The following PCDH11X variants were observed in gnomAD, a reference collection of about 807,000 sequenced individuals.
The protein encoded by PCDH11X is protocadherin 11 X-linked.
In PCDH11X, 18 loss-of-function variants were observed where a neutral mutation model predicts 53.3. The ratio of observed to expected loss-of-function variants is 0.34; its 90% confidence interval spans 0.23 to 0.50. The LOEUF (loss-of-function observed/expected upper bound fraction) is 0.50, where lower values mean the gene tolerates loss of function less well. PCDH11X is among the 20% of genes least tolerant of loss of function. PCDH11X has a pLI of 0.98. For synonymous variants in PCDH11X, 279 were observed against 393.3 expected (o/e 0.71, Z 3.44); for missense variants, 570 against 1,032.4 (o/e 0.55, Z 6.14).
At chrX:91,837,829 A>G (rs1344132241) in intron 5 of PCDH11X, among the ~76,000 whole-genome samples, 1 of 111,538 alleles carries the variant, frequency 9.0e-6, no homozygotes, top group Non-Finnish European at 1.9e-5. Flanking sequence ...GCCACCAGTC[A>G]CACGTAGCTG....
In PCDH11X at chrX:91,835,561, C is replaced by T; in HGVS notation, c.57C>T (p.Phe19=). 8.3e-7 allele frequency: 1 copy of T among 1,211,098 alleles called. No individual in the cohort carries two copies. Among genetic ancestry groups the T allele is most frequent in the Non-Finnish European group, 1.1e-6 (1 of 895,438 alleles). The stretch of plus-strand genomic sequence containing the variant: ...CGGTCCTGCTAGCATGCGTGGTGTT[C>T]CACTCTGGCGCCCAGGAGAAAAACT... ...IFAVLLACVV[F]HSGAQEKNYT... Residue 19 remains phenylalanine (F), a synonymous_variant, in exon 5 of 11, where the codon TTC becomes TTT. Transcript: ENST00000682573.
chrX:91,822,406 A>G lies in PCDH11X; in HGVS notation c.-45+11111A>G, dbSNP rs1254367124. Among the ~76,000 whole-genome samples, 374 of 108,803 alleles carry G rather than the reference A, an allele frequency of 3.4e-3. 3 individuals carry two copies. The highest frequency in any genetic ancestry group is 0.011 in the African/African-American group (312 of 29,653). The allele number at this position is 108,803 out of a possible 115,157, so 94.5% of individuals were successfully genotyped here. On this transcript the variant is annotated intron_variant, in intron 4 of 10. Transcript: ENST00000682573. ...CTTCTTCCTGGTTTAGTCTTGGGAG[A>G]GTGTATGTGTCAAGGAATTTATCCA...
chrX:92,273,733 C>T (rs761508269), intron 8 of PCDH11X, among the ~76,000 whole-genome samples: 2 of 110,328 alleles, frequency 1.8e-5, no homozygotes, highest in Admixed American at 9.7e-5. Flanking sequence ...ACACATTTGT[C>T]GTGTAGAATT....
intron 8 of PCDH11X, among the ~76,000 whole-genome samples, chrX:92,374,535 A>G (rs1345886906): frequency 1.8e-5 from 2 of 108,522 alleles, no homozygotes; most frequent in Non-Finnish European, 3.8e-5. Flanking sequence ...TAGAATATCA[A>G]TGAAAAGTCT....
At chrX:91,916,486 A>C (rs982034505) in intron 6 of PCDH11X, among the ~76,000 whole-genome samples, 2 of 111,746 alleles carry the variant, frequency 1.8e-5, no homozygotes, top group African/African-American at 6.5e-5. Flanking sequence ...ATGAACCAGG[A>C]GATATTACAG....
At position 92,114,134 on chromosome X, in the gene PCDH11X, G is replaced by A. The variant is rs2064583793; in HGVS notation, c.3034-87241G>A. The A allele has an allele frequency of 3.4e-6, 4 of 1,176,318 alleles. No individual in the cohort carries two copies. In the Admixed American group the frequency reaches 6.6e-5, roughly 19 times the overall value. On this transcript the variant is annotated intron_variant, in intron 6 of 10. Transcript: ENST00000682573. ...TTCTGTATCTGCTGAGCCAATTCTC[G>A]AGTGGGTGCTAGGACCAAGGCCTGG...
At chrX:92,064,103 T>A (rs6618835) in intron 6 of PCDH11X, among the ~76,000 whole-genome samples, 1 of 100,654 alleles carries the variant, frequency 9.9e-6, no homozygotes, top group African/African-American at 3.8e-5. Flanking sequence ...GAGTGGGACA[T>A]TGGTGTTCTT....
chrX:92,340,435 G>A (rs1045641375), intron 8 of PCDH11X, among the ~76,000 whole-genome samples: 26 of 112,163 alleles, frequency 2.3e-4, no homozygotes, highest in African/African-American at 8.1e-4. Context: ...CATCCCTGCA[G>A]CAAGCTTCTG....
At chrX:92,208,508 A>AATATATATATAT (rs58212809) in intron 7 of PCDH11X, among the ~76,000 whole-genome samples, 376 of 30,632 alleles carry the variant, frequency 0.012, 40 homozygotes, top group African/African-American at 0.033. Context: ...CCCTGAAACT[A>AATATATATATAT]ATATATATAT....
At chrX:92,207,049 A>C (rs2066489044) in intron 7 of PCDH11X, among the ~76,000 whole-genome samples, 1 of 111,627 alleles carries the variant, frequency 9.0e-6, no homozygotes, top group Admixed American at 9.6e-5. Context: ...TTGATACATA[A>C]CTGGAGTAAA....
intron 10 of PCDH11X, among the ~76,000 whole-genome samples, chrX:92,609,966 C>T (rs1927198114): frequency 1.8e-5 from 2 of 111,611 alleles, no homozygotes; most frequent in African/African-American, 3.2e-5. Flanking sequence ...ATGGTATATG[C>T]GTGCTATATA....
chrX:92,089,347 G>T (rs762988813), intron 6 of PCDH11X, among the ~76,000 whole-genome samples: 234 of 109,853 alleles, frequency 2.1e-3, no homozygotes, highest in African/African-American at 7.6e-3. Flanking sequence ...AATCATTATT[G>T]CTCACATAGT....
At chrX:92,230,139 G>A (rs1465171440) in intron 7 of PCDH11X, among the ~76,000 whole-genome samples, 1 of 108,914 alleles carries the variant, frequency 9.2e-6, no homozygotes, top group Admixed American at 1.0e-4. Flanking sequence ...TCTTTGTATG[G>A]CAAAAATCTT....
chrX:92,573,760 T>C (rs1922487679), intron 10 of PCDH11X, among the ~76,000 whole-genome samples: 1 of 108,098 alleles, frequency 9.3e-6, no homozygotes, highest in East Asian at 2.9e-4. Flanking sequence ...TACTATAGGC[T>C]TTTCATAATT....
chrX:92,315,449 G>T (rs2069053645), intron 8 of PCDH11X, among the ~76,000 whole-genome samples: 1 of 111,365 alleles, frequency 9.0e-6, no homozygotes, highest in Non-Finnish European at 1.9e-5. Context: ...GAATAATTTT[G>T]GAAGTCCCAT....
At chrX:92,270,420 C>T (rs993885643) in intron 8 of PCDH11X, among the ~76,000 whole-genome samples, 4 of 112,032 alleles carry the variant, frequency 3.6e-5, no homozygotes, top group Admixed American at 2.8e-4. Flanking sequence ...CAACTGTGTC[C>T]AGCCAAACCA....
At chrX:91,902,067 G>A (rs944625263) in intron 6 of PCDH11X, among the ~76,000 whole-genome samples, 1 of 111,461 alleles carries the variant, frequency 9.0e-6, no homozygotes, top group African/African-American at 3.3e-5. Context: ...CTACTGTTGA[G>A]ACACATTTAA....
At chrX:92,566,707 T>C in intron 10 of PCDH11X, among the ~76,000 whole-genome samples, 1 of 111,983 alleles carries the variant, frequency 8.9e-6, no homozygotes, top group Non-Finnish European at 1.9e-5. Flanking sequence ...TTGTTACATA[T>C]TTTAAAAGTA....
chrX:92,185,970 A>G (rs1288263837), intron 6 of PCDH11X, among the ~76,000 whole-genome samples: 1 of 111,698 alleles, frequency 9.0e-6, no homozygotes, highest in Non-Finnish European at 1.9e-5. Flanking sequence ...AAAAAGTACA[A>G]TAAAACAACT....
Sources: gnomAD v4.1 joint callset for allele counts (sites outside exome capture counted in the v4.1 genomes callset) on GRCh38, gnomAD v4.1.1 for gene constraint, MANE v1.5 for transcripts, NCBI Gene and HGNC (gene_info 2026-07-23, HGNC 2026-07-21) for gene names.